GREB1L: variants seen among roughly 807,000 people sequenced by gnomAD.
GREB1L encodes the protein GREB1 like retinoic acid receptor coactivator.
GREB1L carries 17 observed loss-of-function variants against 200.8 expected under a neutral mutation model. That is an observed-to-expected ratio of 0.08 (90% CI 0.06 to 0.13). GREB1L has a LOEUF of 0.13. Among genes scored for constraint, GREB1L ranks in the 10% least tolerant of loss-of-function variants. The pLI is 1.00. For missense variants in GREB1L, 1,657 were observed against 2,367.7 expected (o/e 0.70, Z 6.23); for synonymous variants, 789 against 893.0 (o/e 0.88, Z 2.08).
At chr18:21,277,539 C>T (rs1321153141) in intron 1 of GREB1L, among the ~76,000 whole-genome samples, 7 of 152,190 alleles carry the variant, frequency 4.6e-5, no homozygotes, top group Admixed American at 3.3e-4. Context: ...TCCTTAGCCC[C>T]TTTTGTCACC....
intron 10 of GREB1L, among the ~76,000 whole-genome samples, chr18:21,443,805 C>T (rs1270034522): frequency 6.6e-6 from 1 of 152,224 alleles, no homozygotes; most frequent in African/African-American, 2.4e-5. Context: ...TGCACATCCT[C>T]CCATATACAT....
Position 21,523,370 on chromosome 18 carries a change from G to A in GREB1L, c.*549G>A, listed in dbSNP as rs921488205. The A allele has an allele frequency of 1.3e-5, 2 of 152,176 alleles. No individual in the cohort carries two copies. The highest frequency in any genetic ancestry group is 6.5e-5 in the Admixed American group (1 of 15,272). The allele number at this position is 152,176 out of a possible 1,614,324, so 9.4% of individuals were successfully genotyped here. On this transcript the variant is annotated 3_prime_UTR_variant, in exon 33 of 33. Coordinates refer to ENST00000424526, the MANE Select transcript of GREB1L (RefSeq NM_001142966.3). ...AAGTAGCTTTGTCTTTCTCTGTGCAGTGTTAGTTTAAGATTTATAATCTTC... is the reference window on the plus strand; with the variant it reads ...AAGTAGCTTTGTCTTTCTCTGTGCAATGTTAGTTTAAGATTTATAATCTTC...
chr18:21,441,337 G>T, intron 9 of GREB1L, 63 bp from the exon 10 acceptor site: 2 of 1,367,292 alleles, frequency 1.5e-6, no homozygotes. Flanking sequence ...AAACTGCATT[G>T]CTTTCTATTG....
intron 4 of GREB1L, among the ~76,000 whole-genome samples, chr18:21,388,849 T>C (rs1383305522): frequency 6.6e-6 from 1 of 152,176 alleles, no homozygotes; most frequent in Non-Finnish European, 1.5e-5. Flanking sequence ...CTATTGGAAT[T>C]CATTTGATGT....
At chr18:21,411,028 G>C (rs1186940143) in intron 7 of GREB1L, among the ~76,000 whole-genome samples, 1 of 152,062 alleles carries the variant, frequency 6.6e-6, no homozygotes, top group Non-Finnish European at 1.5e-5. Context: ...AATAGAAACA[G>C]TGAGCAGAAA....
At chr18:21,276,782 AGAAG>A (rs1229054057) in intron 1 of GREB1L, among the ~76,000 whole-genome samples, 2 of 152,190 alleles carry the variant, frequency 1.3e-5, no homozygotes, top group Non-Finnish European at 2.9e-5. Context: ...AAGGAAGGAA[AGAAG>A]GAAGAGAGAG....
At position 21,323,462 on chromosome 18, in the gene GREB1L, C is replaced by A. The variant is rs555706330; in HGVS notation, c.-119-42565C>A. Among the ~76,000 whole-genome samples, 9 of 152,214 alleles carry A rather than the reference C, an allele frequency of 5.9e-5. 1 individual carries two copies. Among genetic ancestry groups the A allele is most frequent in the South Asian group, 4.1e-4 (2 of 4,826 alleles). ...TGGAAAAATGAATAAAGAATATGAA[C>A]AGACATTTCACAGAAAAGCTATAAA... On this transcript the variant is annotated intron_variant, in intron 1 of 32. Coordinates refer to ENST00000424526, the MANE Select transcript of GREB1L (RefSeq NM_001142966.3).
At position 21,505,796 on chromosome 18, in the gene GREB1L, C is replaced by T. The variant is rs1174401110; in HGVS notation, c.4229-14C>T. ...GTTATCTCATGGGATGGCTTTTTGC[C>T]CCTTTATACACAGAAGTGATAAAGG... On this transcript the variant is annotated splice_polypyrimidine_tract_variant and intron_variant, in intron 24 of 32. Coordinates refer to ENST00000424526, the MANE Select transcript of GREB1L (RefSeq NM_001142966.3). 1.0e-5 allele frequency: 16 copies of T among 1,544,200 alleles called. No homozygotes were observed. Among genetic ancestry groups the T allele is most frequent in the Admixed American group, 2.0e-5 (1 of 49,152 alleles).
At chr18:21,390,762 C>G (rs2040767929) in intron 4 of GREB1L, among the ~76,000 whole-genome samples, 1 of 152,088 alleles carries the variant, frequency 6.6e-6, no homozygotes, top group Admixed American at 6.6e-5. Flanking sequence ...GTCTCAATCT[C>G]TTGACCTTGT....
At chr18:21,517,924 C>A in intron 30 of GREB1L, 110 bp from the exon 31 acceptor site, 1 of 795,106 alleles carries the variant, frequency 1.3e-6, no homozygotes, top group South Asian at 1.8e-5. Context: ...GCACCCCTCA[C>A]TGTGCTACTG....
intron 1 of GREB1L, among the ~76,000 whole-genome samples, chr18:21,266,716 A>C (rs1397896338): frequency 6.6e-6 from 1 of 152,230 alleles, no homozygotes; most frequent in Non-Finnish European, 1.5e-5. Context: ...TCTAGCAATA[A>C]GAGACTTTGA....
chr18:21,265,297 T>A (rs1289003438), intron 1 of GREB1L, among the ~76,000 whole-genome samples: 1 of 152,192 alleles, frequency 6.6e-6, no homozygotes, highest in African/African-American at 2.4e-5. Context: ...ATAGTACATA[T>A]TCATATAATC....
intron 15 of GREB1L, among the ~76,000 whole-genome samples, chr18:21,468,548 A>G (rs9956081): frequency 0.056 from 8,505 of 152,292 alleles, 780 homozygotes; most frequent in African/African-American, 0.19. Flanking sequence ...TGCTTATATC[A>G]ATCACAAACG....
At chr18:21,281,196 C>T (rs1341673983) in intron 1 of GREB1L, among the ~76,000 whole-genome samples, 2 of 152,212 alleles carry the variant, frequency 1.3e-5, no homozygotes, top group Non-Finnish European at 2.9e-5. Context: ...TCACCTTTGT[C>T]TCCATACCTG....
intron 7 of GREB1L, among the ~76,000 whole-genome samples, chr18:21,439,066 T>C (rs1458193327): frequency 1.3e-5 from 2 of 151,794 alleles, no homozygotes. Flanking sequence ...ATTCACAGCA[T>C]GCATGTGTGT....
At chr18:21,372,054 C>T (rs1383641495) in intron 2 of GREB1L, among the ~76,000 whole-genome samples, 1 of 151,824 alleles carries the variant, frequency 6.6e-6, no homozygotes, top group African/African-American at 2.4e-5. Context: ...AGTAGTATTT[C>T]TATAAATGCT....
At position 21,384,200 on chromosome 18, in the gene GREB1L, AC is replaced by A; in HGVS notation, c.158-3del. On this transcript the variant is annotated splice_polypyrimidine_tract_variant and splice_region_variant and intron_variant, in intron 3 of 32. Coordinates refer to ENST00000424526, the MANE Select transcript of GREB1L (RefSeq NM_001142966.3). ...TAAATCTGCTGTGATTTATTTGCTT[AC>A]CCAGATGTCAAACCCAAGGTGGAGG... 6.5e-7 allele frequency: 1 copy of A among 1,527,476 alleles called. No homozygotes were observed. The highest frequency in any genetic ancestry group is 1.2e-5 in the South Asian group (1 of 83,298). The allele number at this position is 1,527,476 out of a possible 1,614,324, so 94.6% of individuals were successfully genotyped here.
chr18:21,493,180 C>T (rs1472050278), intron 19 of GREB1L, among the ~76,000 whole-genome samples: 1 of 152,182 alleles, frequency 6.6e-6, no homozygotes, highest in Non-Finnish European at 1.5e-5. Context: ...TCTATCTCTA[C>T]TTTTGGGTAA....
chr18:21,456,604 C>T (rs1196287726), intron 15 of GREB1L, among the ~76,000 whole-genome samples: 1 of 152,042 alleles, frequency 6.6e-6, no homozygotes, highest in Non-Finnish European at 1.5e-5. Flanking sequence ...AAGTTTTGTC[C>T]ACACCTTCTG....
Sources: allele counts gnomAD v4.1 joint callset (sites outside exome capture counted in the v4.1 genomes callset), GRCh38; gene constraint gnomAD v4.1.1; transcripts MANE v1.5; gene names NCBI Gene and HGNC (gene_info 2026-07-23, HGNC 2026-07-21).